ROBO1: variants seen among roughly 807,000 people sequenced by gnomAD.
The protein encoded by ROBO1 is roundabout guidance receptor 1, also known as roundabout homolog 1.
In ROBO1, 149 loss-of-function variants were observed where a neutral mutation model predicts 195.9. The ratio of observed to expected loss-of-function variants is 0.76; its 90% CI spans 0.67 to 0.87. The LOEUF (loss-of-function observed/expected upper bound fraction) is 0.87. ROBO1 is among the 40% of genes least tolerant of loss of function. ROBO1 has a pLI of 0.00. For missense variants in ROBO1, 1,933 were observed against 2,068.3 expected, an observed-to-expected ratio of 0.93 and a Z score of 1.27; for synonymous variants, 816 against 733.2, an observed-to-expected ratio of 1.11 and a Z score of -1.82.
chr3:79,137,384 A>T (rs929419178), intron 2 of ROBO1, among the ~76,000 whole-genome samples: 13 of 145,716 alleles, frequency 8.9e-5, no homozygotes, highest in South Asian at 4.3e-4. Context: ...GTTACTAAAT[A>T]AAAAAAAAAC....
rs573676562 is a variant in ROBO1, at chr3:79,117,524, C to T, written c.172+7932G>A. Among the ~76,000 whole-genome samples the T allele has an allele frequency of 1.7e-3, 263 of 152,226 alleles. 2 individuals are homozygous for T. Among genetic ancestry groups the T allele is most frequent in the African/African-American group, 5.3e-3 (221 of 41,534 alleles). On this transcript the variant is annotated intron_variant, in intron 3 of 30. Coordinates refer to ENST00000464233, the MANE Select transcript of ROBO1 (RefSeq NM_002941.4). ...CTGAGTGACCATGTTGAATAGAGTG[C>T]GCCTGACCTGGGAGGCCTAAGTGAG...
chr3:78,662,768 A>G (rs969703061), intron 14 of ROBO1, among the ~76,000 whole-genome samples: 2 of 152,204 alleles, frequency 1.3e-5, no homozygotes, highest in Non-Finnish European at 2.9e-5. Context: ...CCTTTAGTTT[A>G]GTTATTGTAT....
intron 2 of ROBO1, among the ~76,000 whole-genome samples, chr3:79,135,341 C>G (rs1209572836): frequency 6.6e-6 from 1 of 152,088 alleles, no homozygotes. Flanking sequence ...ACTCAGTAAT[C>G]AAACTTACTA....
intron 2 of ROBO1, among the ~76,000 whole-genome samples, chr3:79,365,877 A>G (rs1212697779): frequency 6.9e-6 from 1 of 145,918 alleles, no homozygotes; most frequent in Non-Finnish European, 1.5e-5. Flanking sequence ...AGCCTGGGCG[A>G]CACAGCAAGA....
At chr3:79,487,836 C>CT (rs1939242851) in intron 2 of ROBO1, among the ~76,000 whole-genome samples, 1 of 151,972 alleles carries the variant, frequency 6.6e-6, no homozygotes, top group South Asian at 2.1e-4. Flanking sequence ...CAGTGGAGGA[C>CT]TTTTATTAAT....
At chr3:79,608,508 A>C (rs1303106065) in intron 1 of ROBO1, among the ~76,000 whole-genome samples, 1 of 151,996 alleles carries the variant, frequency 6.6e-6, no homozygotes, top group Admixed American at 6.6e-5. Context: ...AGGGAAGGAA[A>C]GGGTTGTGTT....
chr3:79,684,302 C>T (rs758911745), intron 1 of ROBO1, among the ~76,000 whole-genome samples: 9 of 152,026 alleles, frequency 5.9e-5, no homozygotes, highest in Non-Finnish European at 1.2e-4. Flanking sequence ...GGGTTATTTT[C>T]CCTTACATAA....
At position 78,992,828 on chromosome 3, in the gene ROBO1, C is replaced by T. The variant is rs536362285; in HGVS notation, c.173-53901G>A. Among the ~76,000 whole-genome samples, 12 of 152,256 alleles carry T rather than the reference C, an allele frequency of 7.9e-5. No homozygotes were observed. The East Asian group carries it at 1.9e-3, about 25-fold the overall frequency. ...TGAAATTCAAGCATGTCTGTGTACA[C>T]CTAGTGTTTTCCAGAGCAACAAAAC... On this transcript the variant is annotated intron_variant, in intron 3 of 30. Transcript: ENST00000464233.
intron 3 of ROBO1, among the ~76,000 whole-genome samples, chr3:78,979,824 AAC>A (rs72223669): frequency 0.041 from 6,167 of 149,008 alleles, 286 homozygotes; most frequent in African/African-American, 0.11. Flanking sequence ...TACACACACA[AAC>A]ACACACACAC....
At chr3:79,764,765 A>C (rs1704896065) in intron 1 of ROBO1, among the ~76,000 whole-genome samples, 2 of 152,224 alleles carry the variant, frequency 1.3e-5, no homozygotes, top group Admixed American at 1.3e-4. Flanking sequence ...TCTCTGGTCA[A>C]TGTTATTTTG....
intron 2 of ROBO1, among the ~76,000 whole-genome samples, chr3:79,331,346 G>T (rs564725466): frequency 9.2e-5 from 14 of 152,156 alleles, no homozygotes; most frequent in Non-Finnish European, 1.2e-4. Context: ...AAAGTCTTAG[G>T]TTGCAAAGTA....
At chr3:78,974,392 C>T (rs997401562) in intron 3 of ROBO1, among the ~76,000 whole-genome samples, 4 of 151,796 alleles carry the variant, frequency 2.6e-5, no homozygotes, top group Non-Finnish European at 4.4e-5. Flanking sequence ...AATTGAAAAC[C>T]GAATCAAAAC....
intron 1 of ROBO1, among the ~76,000 whole-genome samples, chr3:79,755,745 C>T (rs539002502): frequency 1.3e-5 from 2 of 152,200 alleles, no homozygotes. Context: ...CTACAAGAAC[C>T]TTCCTTGTAC....
intron 1 of ROBO1, among the ~76,000 whole-genome samples, chr3:79,740,197 T>TA (rs970052202): frequency 7.3e-6 from 1 of 137,550 alleles, no homozygotes; most frequent in Admixed American, 8.1e-5. Flanking sequence ...CATCCTCTGA[T>TA]AAAAAATATA....
intron 2 of ROBO1, among the ~76,000 whole-genome samples, chr3:79,247,141 T>C (rs1686968992): frequency 1.3e-5 from 2 of 151,226 alleles, no homozygotes; most frequent in Admixed American, 1.3e-4. Flanking sequence ...TTTTTTTTTT[T>C]TGTAAGAAGT....
intron 1 of ROBO1, among the ~76,000 whole-genome samples, chr3:79,675,324 G>T (rs1031930396): frequency 2.0e-5 from 3 of 151,996 alleles, no homozygotes; most frequent in African/African-American, 7.2e-5. Flanking sequence ...GAAAGCAAAA[G>T]TATGTCTAAG....
intron 1 of ROBO1, among the ~76,000 whole-genome samples, chr3:79,629,814 A>T (rs1015567886): frequency 6.6e-6 from 1 of 152,048 alleles, no homozygotes; most frequent in Non-Finnish European, 1.5e-5. Context: ...AGTGATATTA[A>T]GACTGATACC....
intron 2 of ROBO1, among the ~76,000 whole-genome samples, chr3:79,392,005 A>C (rs1402577962): frequency 6.6e-6 from 1 of 152,206 alleles, no homozygotes; most frequent in Non-Finnish European, 1.5e-5. Context: ...GTTTAAGACG[A>C]AATCATTATA....
At chr3:79,525,417 T>G (rs2107593872) in intron 2 of ROBO1, among the ~76,000 whole-genome samples, 1 of 149,632 alleles carries the variant, frequency 6.7e-6, no homozygotes, top group African/African-American at 2.4e-5. Flanking sequence ...GCTCCTACCA[T>G]ACCAATATGA....
Sources: gnomAD v4.1 joint callset for allele counts (sites outside exome capture counted in the v4.1 genomes callset) on GRCh38, gnomAD v4.1.1 for gene constraint, MANE v1.5 for transcripts, NCBI Gene and HGNC (gene_info 2026-07-23, HGNC 2026-07-21) for gene names.